DLGAP2: variants seen among roughly 807,000 people sequenced by gnomAD.
The protein encoded by DLGAP2 is disks large-associated protein 2.
In DLGAP2, 26 loss-of-function variants were observed where a neutral mutation model predicts 100.3. That is an observed-to-expected ratio of 0.26 (90% confidence interval 0.19 to 0.36). The LOEUF is 0.36. Ranked by LOEUF, DLGAP2 falls within the 10% of genes least tolerant of loss-of-function variation. The pLI is 1.00. For missense variants in DLGAP2, 1,858 were observed against 1,453.2 expected (o/e 1.28, Z -4.53); for synonymous variants, 886 against 630.1 (o/e 1.41, Z -6.08).
intron 3 of DLGAP2, among the ~76,000 whole-genome samples, chr8:1,435,541 C>T (rs757376915): frequency 3.9e-5 from 6 of 152,114 alleles, no homozygotes; most frequent in South Asian, 2.1e-4. Context: ...TAGAGGGATG[C>T]GCAGTGCATC....
chr8:1,164,029 A>G (rs1312709805), intron 2 of DLGAP2, among the ~76,000 whole-genome samples: 3 of 152,042 alleles, frequency 2.0e-5, no homozygotes, highest in Non-Finnish European at 4.4e-5. Context: ...GCTTTCCTTC[A>G]TCTCCTCTAG....
intron 5 of DLGAP2, among the ~76,000 whole-genome samples, chr8:1,564,876 A>G (rs1802334885): frequency 6.6e-6 from 1 of 152,190 alleles, no homozygotes; most frequent in Admixed American, 6.5e-5. Context: ...GATATGTAAC[A>G]TTCATGGTTG....
At chr8:1,159,250 C>CA (rs1342141338) in intron 2 of DLGAP2, among the ~76,000 whole-genome samples, 1 of 152,212 alleles carries the variant, frequency 6.6e-6, no homozygotes, top group Non-Finnish European at 1.5e-5. Context: ...TCTATGAAAT[C>CA]AAATTACTGC....
intron 2 of DLGAP2, among the ~76,000 whole-genome samples, chr8:927,637 G>C (rs1344988680): frequency 6.6e-6 from 1 of 152,158 alleles, no homozygotes; most frequent in Non-Finnish European, 1.5e-5. Context: ...AGCACCGTGG[G>C]GTAGGGTATG....
intron 2 of DLGAP2, among the ~76,000 whole-genome samples, chr8:1,140,642 GTCC>G (rs1284005458): frequency 2.0e-5 from 3 of 152,150 alleles, no homozygotes; most frequent in Non-Finnish European, 4.4e-5. Context: ...TTCCTAGGTT[GTCC>G]TCCTGTAGTT....
chr8:906,604 C>A (rs530754452), intron 1 of DLGAP2, among the ~76,000 whole-genome samples: 100 of 152,248 alleles, frequency 6.6e-4, no homozygotes, highest in South Asian at 3.7e-3. Context: ...GTGTCAGATA[C>A]GACCCTAGAG....
intron 2 of DLGAP2, among the ~76,000 whole-genome samples, chr8:931,103 G>A (rs775332561): frequency 1.3e-5 from 2 of 152,030 alleles, no homozygotes; most frequent in African/African-American, 2.4e-5. Context: ...GAATAGAAAC[G>A]CATGTGTAGG....
intron 3 of DLGAP2, among the ~76,000 whole-genome samples, chr8:1,425,198 T>TA (rs1462273808): frequency 1.3e-5 from 2 of 152,226 alleles, no homozygotes; most frequent in East Asian, 3.8e-4. Flanking sequence ...TCAGTCATGA[T>TA]AACATTATGA....
At chr8:1,136,499 C>T (rs1796416226) in intron 2 of DLGAP2, among the ~76,000 whole-genome samples, 1 of 152,188 alleles carries the variant, frequency 6.6e-6, no homozygotes, top group Non-Finnish European at 1.5e-5. Context: ...TCTGCATAAT[C>T]AAAGCTTCCT....
rs559075254 is a variant in DLGAP2, at chr8:1,655,615, G to A, written c.1811-12714G>A. 1.6e-4 allele frequency among the ~76,000 whole-genome samples: 24 copies of A among 152,348 alleles called. 1 individual carries two copies. The highest frequency in any genetic ancestry group is 6.8e-3 in the Middle Eastern group (2 of 294). ...AAGGATAATTAAACATGTGTTTAAA[G>A]CGATGATGGATTCACATTTGCGATT... On this transcript the variant is annotated intron_variant, in intron 8 of 14. Coordinates refer to ENST00000637795, the MANE Select transcript of DLGAP2 (RefSeq NM_001346810.2).
chr8:1,064,102 G>A (rs750949521), intron 2 of DLGAP2, among the ~76,000 whole-genome samples: 4 of 152,212 alleles, frequency 2.6e-5, no homozygotes, highest in Non-Finnish European at 5.9e-5. Context: ...GCAGCTATGG[G>A]AAAGCTTTAG....
chr8:1,528,290 C>T (rs1043736949), intron 4 of DLGAP2, among the ~76,000 whole-genome samples: 1 of 152,198 alleles, frequency 6.6e-6, no homozygotes, highest in African/African-American at 2.4e-5. Context: ...GGACAAGTAT[C>T]CCAGGAGGAC....
intron 2 of DLGAP2, among the ~76,000 whole-genome samples, chr8:1,237,194 TCTCTC>T: frequency 7.3e-6 from 1 of 137,750 alleles, no homozygotes; most frequent in South Asian, 2.4e-4. Context: ...CGTGTGTAGT[TCTCTC>T]ACGTGGTGCC....
At chr8:1,683,878 G>A (rs1361439181) in intron 12 of DLGAP2, among the ~76,000 whole-genome samples, 12 of 106,616 alleles carry the variant, frequency 1.1e-4, no homozygotes, top group East Asian at 2.9e-4. Flanking sequence ...GTGTGTGTGT[G>A]TGTGTGTGTG....
chr8:1,491,215 TC>T (rs1409286390), intron 3 of DLGAP2, among the ~76,000 whole-genome samples: 13 of 151,558 alleles, frequency 8.6e-5, no homozygotes, highest in African/African-American at 3.2e-4. Context: ...ACAAAAATGC[TC>T]GCTGTTTCTC....
At chr8:1,285,719 A>T (rs1341907815) in intron 3 of DLGAP2, among the ~76,000 whole-genome samples, 1 of 152,210 alleles carries the variant, frequency 6.6e-6, no homozygotes, top group Non-Finnish European at 1.5e-5. Context: ...CTGTAATCCC[A>T]ATACTTTAGT....
chr8:1,633,010 C>G lies in DLGAP2; in HGVS notation c.1774C>G (p.Pro592Ala). 5 of 1,613,990 alleles carry G rather than the reference C, an allele frequency of 3.1e-6. No homozygotes were observed. Among genetic ancestry groups the G allele is most frequent in the South Asian group, 1.1e-5 (1 of 91,082 alleles). Residue 592 changes from proline to alanine, a missense_variant, in exon 8 of 15, where the codon CCC becomes GCC. Pro to Ala is a conservative substitution (Grantham distance 27, BLOSUM62 -1). Transcript: ENST00000637795. ...QDDECIPMMT[P>A]SDITSTIRST... ...TGACGAATGTATTCCCATGATGACA[C>G]CCTCTGACATCACCTCCACCATCAG... is the stretch of plus-strand genomic sequence containing the variant.
chr8:1,221,698 T>G (rs1189302776), intron 2 of DLGAP2, among the ~76,000 whole-genome samples: 7 of 152,180 alleles, frequency 4.6e-5, no homozygotes, highest in African/African-American at 1.7e-4. Context: ...ATTTTCCGAG[T>G]TGCTTGCTGT....
At chr8:1,204,871 C>G (rs1457559159) in intron 2 of DLGAP2, among the ~76,000 whole-genome samples, 1 of 152,220 alleles carries the variant, frequency 6.6e-6, no homozygotes, top group Non-Finnish European at 1.5e-5. Context: ...AACACCGGCC[C>G]TCTCCAGAGC....
Sources: gnomAD v4.1 joint callset for allele counts (sites outside exome capture counted in the v4.1 genomes callset) on GRCh38, gnomAD v4.1.1 for gene constraint, MANE v1.5 for transcripts, NCBI Gene and HGNC (gene_info 2026-07-23, HGNC 2026-07-21) for gene names.